Variants in NCDN observed in about 807,000 individuals in gnomAD.
The protein encoded by NCDN is neurochondrin, also known as norbin.
A neutral mutation model predicts 60.7 loss-of-function variants in NCDN; 9 were observed. The observed-to-expected ratio is 0.15, with a 90% CI of 0.09 to 0.26. The LOEUF is 0.26. NCDN is among the 10% of genes least tolerant of loss of function. The pLI, the probability that NCDN is intolerant of heterozygous loss-of-function variation, is 1.00. For synonymous variants in NCDN, 409 were observed against 442.5 expected (o/e 0.92, Z 0.95); for missense variants, 578 against 975.2 (o/e 0.59, Z 5.42).
At chr1:35,564,403 C>G (rs916756986) in intron 6 of NCDN, among the ~76,000 whole-genome samples, 3 of 152,088 alleles carry the variant, frequency 2.0e-5, no homozygotes, top group African/African-American at 7.2e-5. Context: ...TCCCCTCCAG[C>G]CCCTGGCAGC....
chr1:35,561,842 G>T lies in NCDN; in HGVS notation c.1143+548G>T, dbSNP rs1648717712. Among the ~76,000 whole-genome samples the T allele has an allele frequency of 6.6e-6, 1 of 152,038 alleles. No individual in the cohort carries two copies. Among genetic ancestry groups the T allele is most frequent in the Non-Finnish European group, 1.5e-5 (1 of 68,010 alleles). ...CCACAGGGATTCAGTCATGACTCTG[G>T]TCTCTTTAATGGCCTGCTCCAGCCA... On this transcript the variant is annotated intron_variant, in intron 3 of 6. Coordinates refer to ENST00000373243, the MANE Select transcript of NCDN (RefSeq NM_014284.3). This position sits in a 1 kb window ranked among gnomAD's most constrained non-coding sequence, Gnocchi z 4.9.
rs1201815463 is a variant in NCDN at position 35,563,850 on chromosome 1, T to G, written c.1694T>G (p.Leu565Arg). The change falls in exon 6 of 7, where the codon CTG becomes CGG. Residue 565 changes from leucine to arginine, a missense_variant. Around this residue, in one of 3 missense-constraint regions of NCDN, gnomAD observed 191 missense variants for 372.1 expected, o/e 0.51. Transcript: ENST00000373243. The surrounding 1 kb of genome is among the most constrained non-coding windows in gnomAD (Gnocchi z 6.6). ...GTGCAGCAACAGGGAAGGCTGCTTC[T>G]GGCTGCTAATGTGGCCACCCTGGGG... Reference protein sequence around the residue: ...ALVQQQGRLLLAANVATLGLL... With the variant: ...ALVQQQGRLLRAANVATLGLL... 6.2e-7 allele frequency: 1 copy of G among 1,614,168 alleles called. No individual in the cohort carries two copies. Among genetic ancestry groups the G allele is most frequent in the Non-Finnish European group, 8.5e-7 (1 of 1,180,028 alleles).
Position 35,558,824 on chromosome 1 carries a change from T to C in NCDN, c.34-283T>C, listed in dbSNP as rs553749987. ...CTCCCGCCCACCCCCAGGAGACTGG[T>C]GAGGAGAGCTGTCCGGCTGAGCAGC... is the stretch of plus-strand genomic sequence containing the variant. On this transcript the variant is annotated intron_variant, in intron 1 of 6. Coordinates refer to ENST00000373243, the MANE Select transcript of NCDN (RefSeq NM_014284.3). This position sits in a 1 kb window ranked among gnomAD's most constrained non-coding sequence, Gnocchi z 6.3. 25 of 731,382 alleles carry C rather than the reference T, an allele frequency of 3.4e-5. No homozygotes were observed. In the South Asian group the frequency reaches 7.3e-4, roughly 22 times the overall value. The allele number at this position is 731,382 out of a possible 1,614,324, so 45.3% of individuals were successfully genotyped here. A position where few individuals can be genotyped will look rare whatever the true frequency, so the allele number is the denominator to read the frequency against.
intron 1 of NCDN, 82 bp from the exon 2 acceptor site, chr1:35,559,025 T>G: frequency 2.8e-5 from 17 of 615,882 alleles, no homozygotes; most frequent in Non-Finnish European, 3.6e-5. Context: ...AATCCCTCCC[T>G]CCCTCCATCC....
In NCDN at chr1:35,565,079, G is replaced by A. The variant is rs1009880992; in HGVS notation, c.1754-148G>A. The A allele has an allele frequency of 1.1e-4, 80 of 746,984 alleles. No individual in the cohort carries two copies. The highest frequency in any genetic ancestry group is 4.4e-5 in the Non-Finnish European group (20 of 459,750). 46.3% of individuals were successfully genotyped at this position (746,984 alleles called of 1,614,324 possible). Reference sequence around the variant, plus strand: ...AGTTAATTACCCAAGGTCACACAGTGAGCATCTAAGGCAGGGTTTCAACGC... The same window carrying A: ...AGTTAATTACCCAAGGTCACACAGTAAGCATCTAAGGCAGGGTTTCAACGC... On this transcript the variant is annotated intron_variant, in intron 6 of 6. Transcript: ENST00000373243. This position sits in a 1 kb window ranked among gnomAD's most constrained non-coding sequence, Gnocchi z 8.9.
In NCDN at chr1:35,566,258, T is replaced by TG. The variant is rs754334677; in HGVS notation, c.*601dup. The TG allele has an allele frequency of 5.6e-4, 92 of 165,666 alleles. No homozygotes were observed. The highest frequency in any genetic ancestry group is 1.0e-3 in the Non-Finnish European group (78 of 76,198). 10.3% of individuals were successfully genotyped at this position (165,666 alleles called of 1,614,324 possible). A position where few individuals can be genotyped will look rare whatever the true frequency, so the allele number is the denominator to read the frequency against. ...GGCAACCTGGGGCAGACAGGCCTGGTGGGGGGTGGGGAAACCTCCTTCCAC... is the reference window on the plus strand; with the variant it reads ...GGCAACCTGGGGCAGACAGGCCTGGTGGGGGGGTGGGGAAACCTCCTTCCAC... On this transcript the variant is annotated 3_prime_UTR_variant, in exon 7 of 7. Coordinates refer to ENST00000373243, the MANE Select transcript of NCDN (RefSeq NM_014284.3). This position sits in a 1 kb window ranked among gnomAD's most constrained non-coding sequence, Gnocchi z 5.3.
rs972159618 is a variant in NCDN, at chr1:35,565,821, C to T, written c.*158C>T. The T allele has an allele frequency of 4.6e-5, 36 of 788,814 alleles. No homozygotes were observed. The highest frequency in any genetic ancestry group is 5.5e-5 in the Non-Finnish European group (28 of 509,278). 48.9% of individuals were successfully genotyped at this position (788,814 alleles called of 1,614,324 possible). A position where few individuals can be genotyped will look rare whatever the true frequency, so the allele number is the denominator to read the frequency against. On this transcript the variant is annotated 3_prime_UTR_variant, in exon 7 of 7. Transcript: ENST00000373243. The surrounding 1 kb of genome is among the most constrained non-coding windows in gnomAD (Gnocchi z 8.9). ...TCTGAGGGCAAGGGCATGGTGCCCA[C>T]CCCTCAAGTGTAAGGAACTGCGTTC...
chr1:35,558,418 TCTGCTGCTGCCGCCGCCGCTGCTG>T lies in NCDN; in HGVS notation c.33+206_33+229del, dbSNP rs1553235606. ...AGAAGAGGGAGCGCAAGGGGTTAAT[TCTGCTGCTGCCGCCGCCGCTGCTG>T]CTGCTGCTGCAGCCTCTACCCGAGG... On this transcript the variant is annotated intron_variant, in intron 1 of 6. Coordinates refer to ENST00000373243, the MANE Select transcript of NCDN (RefSeq NM_014284.3). The surrounding 1 kb of genome is among the most constrained non-coding windows in gnomAD (Gnocchi z 6.3). 5 of 1,450,890 alleles carry T rather than the reference TCTGCTGCTGCCGCCGCCGCTGCTG, an allele frequency of 3.4e-6. No homozygotes were observed. The highest frequency in any genetic ancestry group is 1.4e-5 in the African/African-American group (1 of 69,652). 89.9% of individuals were successfully genotyped at this position (1,450,890 alleles called of 1,614,324 possible).
At position 35,563,932 on chromosome 1, in the gene NCDN, T is replaced by C. The variant is rs766265626; in HGVS notation, c.1753+23T>C. 5.8e-5 allele frequency: 94 copies of C among 1,608,438 alleles called. 1 individual carries two copies. Among genetic ancestry groups the C allele is most frequent in the Middle Eastern group, 5.0e-4 (3 of 6,044 alleles). ...CAGGTAAGAACTGGGGATCCAGTCCTGATGGGTGAGGACAGAAGACCTGGG... is the reference window on the plus strand; with the variant it reads ...CAGGTAAGAACTGGGGATCCAGTCCCGATGGGTGAGGACAGAAGACCTGGG... On this transcript the variant is annotated intron_variant, in intron 6 of 6. Coordinates refer to ENST00000373243, the MANE Select transcript of NCDN (RefSeq NM_014284.3). The surrounding 1 kb of genome is among the most constrained non-coding windows in gnomAD (Gnocchi z 6.6).
Position 35,565,478 on chromosome 1 carries a change from C to A in NCDN, c.2005C>A (p.Gln669Lys). The change falls in exon 7 of 7, where the codon CAG becomes AAG. Residue 669 changes from glutamine (Q) to lysine (K), a missense_variant. By Grantham distance (53) the Gln-to-Lys change is moderately conservative. Around this residue, in one of 3 missense-constraint regions of NCDN, gnomAD observed 191 missense variants for 372.1 expected, o/e 0.51. Coordinates refer to ENST00000373243, the MANE Select transcript of NCDN (RefSeq NM_014284.3). The surrounding 1 kb of genome is among the most constrained non-coding windows in gnomAD (Gnocchi z 8.9). ...CTCCCGCTGGCCGCAGGAGCTGCTC[C>A]AGCTGCTAGGCAGTGTCAGCCCCAA... is the stretch of plus-strand genomic sequence containing the variant. ...LRSRWPQELL[Q>K]LLGSVSPNSV... is the part of the protein sequence containing the mutation. 1 of 1,600,494 alleles carries A rather than the reference C, an allele frequency of 6.2e-7. No homozygotes were observed. The highest frequency in any genetic ancestry group is 2.3e-5 in the East Asian group (1 of 44,214).
At chr1:35,564,051 A>C in intron 6 of NCDN, 142 bp downstream of exon 6, 28 of 1,030,772 alleles carry the variant, frequency 2.7e-5, no homozygotes, top group Middle Eastern at 3.2e-4. Context: ...GTGTATCTCC[A>C]TCCCCTACCC....
Position 35,558,494 on chromosome 1 carries a change from C to A in NCDN, c.33+271C>A. The A allele has an allele frequency of 2.2e-6, 3 of 1,390,168 alleles. No individual in the cohort carries two copies. Among genetic ancestry groups the A allele is most frequent in the South Asian group, 3.3e-5 (2 of 61,190 alleles). 86.1% of individuals were successfully genotyped at this position (1,390,168 alleles called of 1,614,324 possible). A position where few individuals can be genotyped will look rare whatever the true frequency, so the allele number is the denominator to read the frequency against. On this transcript the variant is annotated intron_variant, in intron 1 of 6. Coordinates refer to ENST00000373243, the MANE Select transcript of NCDN (RefSeq NM_014284.3). This position sits in a 1 kb window ranked among gnomAD's most constrained non-coding sequence, Gnocchi z 6.3. ...AGGGAAAGGAGAGGAGGCAAGGAGC[C>A]TGCGGGGGCGACTGAGAGCCCTGGC...
Position 35,560,514 on chromosome 1 carries a change from C to A in NCDN, c.363C>A (p.Ala121=). 1 of 1,613,934 alleles carries A rather than the reference C, an allele frequency of 6.2e-7. No individual in the cohort carries two copies. Among genetic ancestry groups the A allele is most frequent in the South Asian group, 1.1e-5 (1 of 91,090 alleles). Reference sequence around the variant, plus strand: ...GCTTCTGCAGTGACCCTGAACTGGCCGCCCATCCCCAAGTCCTGAACAAGA... The same window carrying A: ...GCTTCTGCAGTGACCCTGAACTGGCAGCCCATCCCCAAGTCCTGAACAAGA... The part of the protein sequence containing the change: ...LACFCSDPEL[A]AHPQVLNKIP... Residue 121 remains alanine, a synonymous_variant, in exon 3 of 7, where the codon GCC becomes GCA. Transcript: ENST00000373243. The surrounding 1 kb of genome is among the most constrained non-coding windows in gnomAD (Gnocchi z 7.6).
rs761830692 is a variant in NCDN, at chr1:35,562,345, G to C, written c.1144-47G>C. 2 of 1,593,862 alleles carry C rather than the reference G, an allele frequency of 1.3e-6. No homozygotes were observed. The highest frequency in any genetic ancestry group is 4.5e-5 in the East Asian group (2 of 44,546). ...GCTGGCTGGCCTCTGGCAAGGCAGG[G>C]AGGGTCCCTGGTCCTGCTCCATCTC... On this transcript the variant is annotated intron_variant, in intron 3 of 6. Coordinates refer to ENST00000373243, the MANE Select transcript of NCDN (RefSeq NM_014284.3). This position sits in a 1 kb window ranked among gnomAD's most constrained non-coding sequence, Gnocchi z 6.8.
chr1:35,566,744 T>A lies in NCDN; in HGVS notation c.*1081T>A. 4.3e-6 allele frequency: 2 copies of A among 468,472 alleles called. No homozygotes were observed. The highest frequency in any genetic ancestry group is 8.8e-6 in the Non-Finnish European group (2 of 226,836). 29.0% of individuals were successfully genotyped at this position (468,472 alleles called of 1,614,324 possible). A position where few individuals can be genotyped will look rare whatever the true frequency, so the allele number is the denominator to read the frequency against. On this transcript the variant is annotated 3_prime_UTR_variant, in exon 7 of 7. Coordinates refer to ENST00000373243, the MANE Select transcript of NCDN (RefSeq NM_014284.3). This position sits in a 1 kb window ranked among gnomAD's most constrained non-coding sequence, Gnocchi z 5.3. ...ATCGCCAAGTTCAAAGCTGTGCACATGTGGACACTCAATAAATGTTCATTG... is the reference window on the plus strand; with the variant it reads ...ATCGCCAAGTTCAAAGCTGTGCACAAGTGGACACTCAATAAATGTTCATTG...
chr1:35,564,980 A>G (rs752522406), intron 6 of NCDN, among the ~76,000 whole-genome samples: 2 of 152,080 alleles, frequency 1.3e-5, no homozygotes, highest in Non-Finnish European at 2.9e-5. Context: ...AGATGATCAC[A>G]TTTAATTCTC....
rs573476533 is a variant in NCDN at position 35,561,547 on chromosome 1, C to T, written c.1143+253C>T. 6.6e-6 allele frequency among the ~76,000 whole-genome samples: 1 copy of T among 152,156 alleles called. No individual in the cohort carries two copies. Among genetic ancestry groups the T allele is most frequent in the East Asian group, 1.9e-4 (1 of 5,172 alleles). On this transcript the variant is annotated intron_variant, in intron 3 of 6. Transcript: ENST00000373243. This position sits in a 1 kb window ranked among gnomAD's most constrained non-coding sequence, Gnocchi z 4.9. Reference sequence around the variant, plus strand: ...CACACACACGCACACACACACAACACAGTAACCTCCCACTCAAACGCTCCC... The same window carrying T: ...CACACACACGCACACACACACAACATAGTAACCTCCCACTCAAACGCTCCC...
chr1:35,563,635 C>A lies in NCDN; in HGVS notation c.1611-132C>A. ...ACTGTCTCAGCATGTCTGCTTGTTC[C>A]AATCTCTGCCCCCCAGATGCTATGT... is the stretch of plus-strand genomic sequence containing the variant. On this transcript the variant is annotated intron_variant, in intron 5 of 6. Transcript: ENST00000373243. The surrounding 1 kb of genome is among the most constrained non-coding windows in gnomAD (Gnocchi z 6.6). 8.4e-7 allele frequency: 1 copy of A among 1,183,948 alleles called. No homozygotes were observed. The highest frequency in any genetic ancestry group is 1.2e-6 in the Non-Finnish European group (1 of 830,818). 73.3% of individuals were successfully genotyped at this position (1,183,948 alleles called of 1,614,324 possible). A position where few individuals can be genotyped will look rare whatever the true frequency, so the allele number is the denominator to read the frequency against.
At position 35,562,691 on chromosome 1, in the gene NCDN, A is replaced by G. The variant is rs1648742990; in HGVS notation, c.1385+58A>G. ...TCATTCTACCGAAAAGCGTTAACAC[A>G]AGGACACCCCTCCCCACAAACTGAG... On this transcript the variant is annotated intron_variant, in intron 4 of 6. Coordinates refer to ENST00000373243, the MANE Select transcript of NCDN (RefSeq NM_014284.3). The surrounding 1 kb of genome is among the most constrained non-coding windows in gnomAD (Gnocchi z 6.8). 10 of 1,547,778 alleles carry G rather than the reference A, an allele frequency of 6.5e-6. No homozygotes were observed. The highest frequency in any genetic ancestry group is 1.2e-5 in the South Asian group (1 of 80,884).
Sources: allele counts gnomAD v4.1 joint callset (sites outside exome capture counted in the v4.1 genomes callset), GRCh38; gene constraint gnomAD v4.1.1; regional missense constraint gnomAD v4.1.1; non-coding constraint Gnocchi (gnomAD v3.1); transcripts MANE v1.5; gene names NCBI Gene and HGNC (gene_info 2026-07-23, HGNC 2026-07-21).